The following RABGEF1 variants were observed in gnomAD, a reference collection of about 807,000 sequenced individuals.
RABGEF1 encodes rab5 GDP/GTP exchange factor.
A neutral mutation model predicts 57.3 loss-of-function variants in RABGEF1; 26 were observed. The ratio of observed to expected loss-of-function variants is 0.45; its 90% confidence interval spans 0.33 to 0.63. RABGEF1 has a LOEUF of 0.63. RABGEF1 is among the 20% of genes least tolerant of loss of function. The pLI is 0.02. For missense variants in RABGEF1, 464 were observed against 607.6 expected (o/e 0.76, Z 2.48); for synonymous variants, 185 against 210.7 (o/e 0.88, Z 1.06).
chr7:66,672,946 G>A, the RABGEF1 span, among the ~76,000 whole-genome samples: 1 of 149,068 alleles, frequency 6.7e-6, no homozygotes. Flanking sequence ...GGAAAGTGCC[G>A]GCCCCAGCTA....
At chr7:66,785,905 T>C (rs1273540805) in intron 4 of RABGEF1, among the ~76,000 whole-genome samples, 2 of 151,894 alleles carry the variant, frequency 1.3e-5, no homozygotes, top group Non-Finnish European at 2.9e-5. Flanking sequence ...TTGTACTCAG[T>C]TCTTCAAAAC....
intron 1 of RABGEF1, among the ~76,000 whole-genome samples, chr7:66,753,918 G>GACAGTCT (rs1326016727): frequency 1.5e-4 from 22 of 149,666 alleles, no homozygotes; most frequent in South Asian, 2.1e-4. Flanking sequence ...TGTTGGCCAG[G>GACAGTCT]CTGTTCTTGA....
intron 1 of RABGEF1, among the ~76,000 whole-genome samples, chr7:66,756,899 A>T (rs1802858854): frequency 6.6e-6 from 1 of 152,154 alleles, no homozygotes. Flanking sequence ...CTTATATATT[A>T]CATTAGATTC....
chr7:66,698,517 G>A (rs1018248290), intron 1 of RABGEF1, among the ~76,000 whole-genome samples: 6 of 152,238 alleles, frequency 3.9e-5, no homozygotes, highest in Non-Finnish European at 7.3e-5. Context: ...GCAGGAGCCC[G>A]GGTCTGGACG....
At chr7:66,747,707 A>G (rs1467625384) in intron 1 of RABGEF1, among the ~76,000 whole-genome samples, 1 of 152,142 alleles carries the variant, frequency 6.6e-6, no homozygotes, top group Non-Finnish European at 1.5e-5. Context: ...TTTTTCCTTT[A>G]GAAGGTACTT....
intron 4 of RABGEF1, among the ~76,000 whole-genome samples, chr7:66,792,177 A>ACTCTCTGCTCTACTATCTTTTTTTCTT: frequency 6.6e-6 from 1 of 152,268 alleles, no homozygotes; most frequent in South Asian, 2.1e-4. Flanking sequence ...CTTGAGGTAA[A>ACTCTCTGCTCTACTATCTTTTTTTCTT]GGATTTACTC....
intron 2 of RABGEF1, among the ~76,000 whole-genome samples, chr7:66,717,890 T>G (rs1795584343): frequency 6.6e-6 from 1 of 152,212 alleles, no homozygotes; most frequent in Non-Finnish European, 1.5e-5. Flanking sequence ...TACTAGCTCT[T>G]TCTTCGGTCA....
chr7:66,700,271 G>A (rs774220880), intron 1 of RABGEF1, among the ~76,000 whole-genome samples: 8 of 152,238 alleles, frequency 5.3e-5, no homozygotes, highest in Non-Finnish European at 7.3e-5. Context: ...CTACTGGGCC[G>A]GAGCTTGCTC....
chr7:66,713,908 T>C (rs1795064763), intron 2 of RABGEF1, among the ~76,000 whole-genome samples: 1 of 152,236 alleles, frequency 6.6e-6, no homozygotes, highest in Non-Finnish European at 1.5e-5. Context: ...CTTGCATTGC[T>C]GATATAAAAC....
At chr7:66,731,143 G>A (rs1797267348) in intron 2 of RABGEF1, among the ~76,000 whole-genome samples, 1 of 152,228 alleles carries the variant, frequency 6.6e-6, no homozygotes, top group Non-Finnish European at 1.5e-5. Flanking sequence ...CCAGGTAAGG[G>A]GAAGGTTAGG....
At chr7:66,748,310 G>GT (rs1800698497) in intron 1 of RABGEF1, among the ~76,000 whole-genome samples, 1 of 152,150 alleles carries the variant, frequency 6.6e-6, no homozygotes, top group South Asian at 2.1e-4. Context: ...TTAAGGATCT[G>GT]TTTTAGATTA....
intron 1 of RABGEF1, among the ~76,000 whole-genome samples, chr7:66,708,022 G>T (rs929379608): frequency 6.6e-6 from 1 of 152,076 alleles, no homozygotes; most frequent in Non-Finnish European, 1.5e-5. Context: ...CTGCCAATCT[G>T]TGCCTTTTAG....
chr7:66,695,803 TAAAAATAC>T (rs1792233253), intron 1 of RABGEF1, among the ~76,000 whole-genome samples: 1 of 151,900 alleles, frequency 6.6e-6, no homozygotes, highest in Admixed American at 6.6e-5. Context: ...CTGTCTTTAC[TAAAAATAC>T]AAAAATTACA....
At chr7:66,729,578 C>T (rs1223044667) in intron 2 of RABGEF1, among the ~76,000 whole-genome samples, 1 of 151,978 alleles carries the variant, frequency 6.6e-6, no homozygotes, top group Admixed American at 6.6e-5. Flanking sequence ...GCCTTCACTT[C>T]CATCCTTACT....
intron 1 of RABGEF1, among the ~76,000 whole-genome samples, chr7:66,741,290 C>T (rs1798883504): frequency 6.6e-6 from 1 of 152,164 alleles, no homozygotes; most frequent in Non-Finnish European, 1.5e-5. Flanking sequence ...GATCCCACGT[C>T]ACCCTAGGGG....
At chr7:66,662,634 G>A in the RABGEF1 span, among the ~76,000 whole-genome samples, 20 of 152,162 alleles carry the variant, frequency 1.3e-4, no homozygotes, top group Non-Finnish European at 2.8e-4. Flanking sequence ...AGACAGGATG[G>A]AGGGAGGGAT....
the RABGEF1 span, among the ~76,000 whole-genome samples, chr7:66,661,756 T>C: frequency 1.3e-5 from 2 of 152,234 alleles, no homozygotes; most frequent in Admixed American, 6.5e-5. Context: ...GGAAATACTT[T>C]CTAACTCATT....
intron 1 of RABGEF1, among the ~76,000 whole-genome samples, chr7:66,710,238 T>A (rs1400540620): frequency 6.6e-6 from 1 of 152,234 alleles, no homozygotes; most frequent in Non-Finnish European, 1.5e-5. Flanking sequence ...TGCTAAGTAT[T>A]ACCCCATTGA....
At chr7:66,805,092 T>C in intron 7 of RABGEF1, 48 bp from the exon 8 acceptor site, 1 of 1,531,038 alleles carries the variant, frequency 6.5e-7, no homozygotes, top group Non-Finnish European at 9.0e-7. Context: ...ATTGCTTCTT[T>C]TTTGTGATTC....
Sources: gnomAD v4.1 joint callset for allele counts (sites outside exome capture counted in the v4.1 genomes callset) on GRCh38, gnomAD v4.1.1 for gene constraint, MANE v1.5 for transcripts, NCBI Gene and HGNC (gene_info 2026-07-23, HGNC 2026-07-21) for gene names.